The following CCDC141 variants were observed in gnomAD, a reference collection of about 807,000 sequenced individuals.
CCDC141 encodes the protein coiled-coil domain containing 141.
CCDC141 carries 168 observed loss-of-function variants against 181.0 expected under a neutral mutation model. The ratio of observed to expected loss-of-function variants is 0.93; its 90% CI spans 0.82 to 1.05. CCDC141 has a LOEUF of 1.05. CCDC141 is among the 50% of genes least tolerant of loss of function. The pLI, the probability that CCDC141 is intolerant of heterozygous loss-of-function variation, is 0.00. For missense variants in CCDC141, 1,902 were observed against 1,788.5 expected, an observed-to-expected ratio of 1.06 and a Z score of -1.14; for synonymous variants, 666 against 642.3, an observed-to-expected ratio of 1.04 and a Z score of -0.56.
chr2:178,982,614 T>C (rs1691473733), intron 2 of CCDC141, among the ~76,000 whole-genome samples: 1 of 150,292 alleles, frequency 6.7e-6, no homozygotes, highest in Non-Finnish European at 1.5e-5. Flanking sequence ...GCACGCACCA[T>C]GTGCGAACCG....
intron 8 of CCDC141, among the ~76,000 whole-genome samples, chr2:178,896,667 A>G (rs541083855): frequency 6.6e-6 from 1 of 152,278 alleles, no homozygotes; most frequent in Non-Finnish European, 1.5e-5. Flanking sequence ...AAAGGAGTAG[A>G]AAGACAAAAA....
intron 4 of CCDC141, among the ~76,000 whole-genome samples, chr2:178,968,278 A>G (rs1690725861): frequency 6.6e-6 from 1 of 152,236 alleles, no homozygotes; most frequent in South Asian, 2.1e-4. Context: ...ATTCAACAGA[A>G]TATACATTTT....
intron 2 of CCDC141, among the ~76,000 whole-genome samples, chr2:178,982,910 G>A (rs778640774): frequency 2.0e-5 from 3 of 152,196 alleles, no homozygotes; most frequent in Non-Finnish European, 4.4e-5. Flanking sequence ...CATTGCCCAG[G>A]CTTGCTTAGG....
intron 17 of CCDC141, among the ~76,000 whole-genome samples, chr2:178,864,945 C>T (rs772989117): frequency 2.0e-5 from 3 of 152,160 alleles, no homozygotes; most frequent in Non-Finnish European, 4.4e-5. Flanking sequence ...ATTATGTGTA[C>T]CCTTGTGTTC....
chr2:178,994,989 A>T (rs1031547261), intron 2 of CCDC141, among the ~76,000 whole-genome samples: 1 of 152,192 alleles, frequency 6.6e-6, no homozygotes, highest in African/African-American at 2.4e-5. Context: ...TTTTGGGCAA[A>T]GCCATTCAAC....
intron 2 of CCDC141, among the ~76,000 whole-genome samples, chr2:178,980,322 C>T (rs141263095): frequency 0.013 from 2,004 of 152,032 alleles, 46 homozygotes; most frequent in African/African-American, 0.045. Flanking sequence ...TGGTGGTGGG[C>T]GCCTGTAGTC....
the CCDC141 span, among the ~76,000 whole-genome samples, chr2:178,817,951 C>T: frequency 6.6e-5 from 10 of 152,050 alleles, no homozygotes; most frequent in East Asian, 1.4e-3. Flanking sequence ...TACAGGCATC[C>T]GCCACCATGC....
At chr2:179,047,514 C>T in intron 1 of CCDC141, 108 bp from the exon 2 acceptor site, 4 of 990,564 alleles carry the variant, frequency 4.0e-6, no homozygotes, top group Non-Finnish European at 5.5e-6. Context: ...ACTGTAAACA[C>T]TTTTTTCTAT....
chr2:178,942,597 A>G (rs907414581), intron 6 of CCDC141, among the ~76,000 whole-genome samples: 1 of 152,196 alleles, frequency 6.6e-6, no homozygotes, highest in Non-Finnish European at 1.5e-5. Flanking sequence ...ATATCATCAT[A>G]CATTTGTCCA....
In CCDC141 at chr2:178,866,368, T is replaced by C. The variant is rs570866716; in HGVS notation, c.2575-452A>G. Among the ~76,000 whole-genome samples, 5 of 152,324 alleles carry C rather than the reference T, an allele frequency of 3.3e-5. No homozygotes were observed. The South Asian group carries it at 1.0e-3, about 32-fold the overall frequency. ...AAGAGGATTGGAGAACAATTTACAT[T>C]ATTTGCACAAAGTGAGACTTCTTGC... is the stretch of plus-strand genomic sequence containing the variant. On this transcript the variant is annotated intron_variant, in intron 16 of 23. Transcript: ENST00000443758.
chr2:178,878,909 C>T (rs1575161541), intron 11 of CCDC141, among the ~76,000 whole-genome samples: 1 of 152,190 alleles, frequency 6.6e-6, no homozygotes, highest in East Asian at 1.9e-4. Context: ...GTAAGAAATA[C>T]AGGCCAGTGA....
chr2:178,986,303 G>T (rs901599604), intron 2 of CCDC141, among the ~76,000 whole-genome samples: 1 of 152,100 alleles, frequency 6.6e-6, no homozygotes, highest in Non-Finnish European at 1.5e-5. Flanking sequence ...ATTAGGTATT[G>T]ATGGGACATA....
chr2:178,956,246 A>G (rs1690156100), intron 5 of CCDC141, among the ~76,000 whole-genome samples: 1 of 152,210 alleles, frequency 6.6e-6, no homozygotes, highest in Non-Finnish European at 1.5e-5. Flanking sequence ...GCTGCTGTTA[A>G]CAAGAGAAAA....
chr2:178,993,349 T>C (rs1341253278), intron 2 of CCDC141, among the ~76,000 whole-genome samples: 1 of 152,176 alleles, frequency 6.6e-6, no homozygotes, highest in African/African-American at 2.4e-5. Flanking sequence ...CTCACAATCA[T>C]AGCAGAAGGC....
intron 2 of CCDC141, among the ~76,000 whole-genome samples, chr2:178,984,153 C>T (rs1374682315): frequency 6.6e-6 from 1 of 151,778 alleles, no homozygotes; most frequent in Non-Finnish European, 1.5e-5. Flanking sequence ...AGAGTGGGGG[C>T]CAATAGTCAA....
intron 2 of CCDC141, among the ~76,000 whole-genome samples, chr2:179,015,765 C>T (rs866684474): frequency 1.5e-5 from 2 of 135,564 alleles, no homozygotes; most frequent in African/African-American, 2.7e-5. Flanking sequence ...TCATATATAT[C>T]ATATATATCT....
At chr2:178,990,857 G>A (rs1575316202) in intron 2 of CCDC141, among the ~76,000 whole-genome samples, 2 of 152,082 alleles carry the variant, frequency 1.3e-5, no homozygotes, top group South Asian at 2.1e-4. Flanking sequence ...TGGGCTGATG[G>A]AAAGGTTTTG....
chr2:178,979,961 T>C (rs559180371), intron 2 of CCDC141, among the ~76,000 whole-genome samples: 210 of 152,264 alleles, frequency 1.4e-3, no homozygotes, highest in African/African-American at 4.9e-3. Context: ...AACTTGTTTT[T>C]AAAGAAAGAA....
At chr2:178,996,433 T>TGAG (rs1319532542) in intron 2 of CCDC141, among the ~76,000 whole-genome samples, 2 of 152,186 alleles carry the variant, frequency 1.3e-5, no homozygotes, top group Non-Finnish European at 1.5e-5. Flanking sequence ...TAACAGACTA[T>TGAG]GAATTCATTC....
Sources: gnomAD v4.1 joint callset for allele counts (sites outside exome capture counted in the v4.1 genomes callset) on GRCh38, gnomAD v4.1.1 for gene constraint, MANE v1.5 for transcripts, NCBI Gene and HGNC (gene_info 2026-07-23, HGNC 2026-07-21) for gene names.